MAP2K5: variants seen among roughly 807,000 people sequenced by gnomAD.
The protein encoded by MAP2K5 is dual specificity mitogen-activated protein kinase kinase 5.
A neutral mutation model predicts 83.1 loss-of-function variants in MAP2K5; 49 were observed. That is an observed-to-expected ratio of 0.59 (90% CI 0.47 to 0.75). The LOEUF (loss-of-function observed/expected upper bound fraction) is 0.75. Ranked by LOEUF, MAP2K5 falls within the 30% of genes least tolerant of loss-of-function variation. The probability of loss-of-function intolerance (pLI) is 0.00; values close to 1 mark genes in which losing one functional copy is unlikely to be tolerated. For synonymous variants in MAP2K5, 202 were observed against 191.8 expected (o/e 1.05, Z -0.44); for missense variants, 457 against 557.5 (o/e 0.82, Z 1.82).
chr15:67,649,481 T>G (rs1410626133), intron 11 of MAP2K5, among the ~76,000 whole-genome samples: 1 of 152,180 alleles, frequency 6.6e-6, no homozygotes, highest in East Asian at 1.9e-4. Flanking sequence ...TTTAAGCCTT[T>G]GATTTATTTT....
intron 17 of MAP2K5, among the ~76,000 whole-genome samples, chr15:67,742,951 T>C (rs1421907067): frequency 6.6e-6 from 1 of 152,192 alleles, no homozygotes; most frequent in Non-Finnish European, 1.5e-5. Context: ...AATGTTTTGC[T>C]GTACCTCAAT....
In MAP2K5 at chr15:67,703,331, T is replaced by C; in HGVS notation, c.973-6T>C. ...CACTCACAGGCTCCCTTCTGATTTC[T>C]TGCAGCCTGAAAGGATTTCAGGGGA... is the stretch of plus-strand genomic sequence containing the variant. On this transcript the variant is annotated splice_polypyrimidine_tract_variant and splice_region_variant and intron_variant, in intron 15 of 21. Coordinates refer to ENST00000178640, the MANE Select transcript of MAP2K5 (RefSeq NM_145160.3). 1.9e-6 allele frequency: 3 copies of C among 1,612,146 alleles called. No individual in the cohort carries two copies. The highest frequency in any genetic ancestry group is 2.2e-5 in the East Asian group (1 of 44,846).
chr15:67,649,150 C>CTT (rs2086898580), intron 11 of MAP2K5, among the ~76,000 whole-genome samples: 1 of 152,076 alleles, frequency 6.6e-6, no homozygotes, highest in East Asian at 1.9e-4. Flanking sequence ...TGATGTTGAG[C>CTT]ATCTTTTCAT....
At chr15:67,673,330 G>T (rs1388210904) in intron 13 of MAP2K5, among the ~76,000 whole-genome samples, 8 of 152,020 alleles carry the variant, frequency 5.3e-5, no homozygotes, top group Admixed American at 5.2e-4. Flanking sequence ...GAAGGTGAGA[G>T]GGTAACAGTT....
chr15:67,805,301 G>A (rs1400170383), intron 21 of MAP2K5, among the ~76,000 whole-genome samples: 2 of 152,086 alleles, frequency 1.3e-5, no homozygotes, highest in South Asian at 2.1e-4. Context: ...AGGATGAGGC[G>A]GCCTGAGCAT....
chr15:67,601,916 G>T (rs1258607716), intron 8 of MAP2K5, among the ~76,000 whole-genome samples: 1 of 152,202 alleles, frequency 6.6e-6, no homozygotes, highest in African/African-American at 2.4e-5. Context: ...AGTCCTTTAA[G>T]AACTTATGTT....
intron 8 of MAP2K5, among the ~76,000 whole-genome samples, chr15:67,608,120 A>G (rs2085821242): frequency 6.6e-6 from 1 of 152,238 alleles, no homozygotes. Flanking sequence ...ACATTACATT[A>G]GCGCACTTCT....
intron 7 of MAP2K5, 28 bp from the exon 8 acceptor site, chr15:67,600,657 T>C (rs899429759): frequency 6.3e-7 from 1 of 1,586,700 alleles, no homozygotes; most frequent in Admixed American, 1.7e-5. Flanking sequence ...CATGACACCC[T>C]TTTTGTTTTT....
chr15:67,719,360 T>G lies in MAP2K5; in HGVS notation c.1045-8556T>G, dbSNP rs1367847588. ...AACCAGGCACCTCCAGGTTGACCAG[T>G]CTCCAGGAGAGATCAGCATCAGGGG... On this transcript the variant is annotated intron_variant, in intron 16 of 21. Transcript: ENST00000178640. The surrounding 1 kb of genome is among the most constrained non-coding windows in gnomAD (Gnocchi z 4.6). 6.6e-6 allele frequency among the ~76,000 whole-genome samples: 1 copy of G among 152,100 alleles called. No individual in the cohort carries two copies. The highest frequency in any genetic ancestry group is 1.5e-5 in the Non-Finnish European group (1 of 68,012).
At position 67,757,220 on chromosome 15, in the gene MAP2K5, C is replaced by A. The variant is rs1051227783; in HGVS notation, c.1134+8619C>A. On this transcript the variant is annotated intron_variant, in intron 19 of 21. Transcript: ENST00000178640. This position sits in a 1 kb window ranked among gnomAD's most constrained non-coding sequence, Gnocchi z 4.9. ...CTCACCATCCCTAGTTACCTTTTGACTTTTTTGTAATAGCCATCCTAACAA... is the reference window on the plus strand; with the variant it reads ...CTCACCATCCCTAGTTACCTTTTGAATTTTTTGTAATAGCCATCCTAACAA... 1.3e-5 allele frequency among the ~76,000 whole-genome samples: 2 copies of A among 152,136 alleles called. No individual in the cohort carries two copies. Among genetic ancestry groups the A allele is most frequent in the Non-Finnish European group, 2.9e-5 (2 of 68,002 alleles).
intron 17 of MAP2K5, among the ~76,000 whole-genome samples, chr15:67,729,051 T>A (rs938557478): frequency 9.9e-5 from 15 of 152,202 alleles, no homozygotes; most frequent in African/African-American, 3.6e-4. Flanking sequence ...TTCAAATTCA[T>A]AGACTTTTTT....
rs1048137632 is a variant in MAP2K5, at chr15:67,786,407, G to A, written c.1242+13655G>A. 6.6e-6 allele frequency among the ~76,000 whole-genome samples: 1 copy of A among 152,172 alleles called. No homozygotes were observed. Among genetic ancestry groups the A allele is most frequent in the Non-Finnish European group, 1.5e-5 (1 of 68,036 alleles). ...GAGCATCTTGTTGGAGGGAATTATT[G>A]TAAACCAGTTAATCAACAAGTATTT... On this transcript the variant is annotated intron_variant, in intron 21 of 21. Transcript: ENST00000178640. This position sits in a 1 kb window ranked among gnomAD's most constrained non-coding sequence, Gnocchi z 4.7.
intron 13 of MAP2K5, among the ~76,000 whole-genome samples, chr15:67,674,043 T>G: frequency 6.6e-6 from 1 of 152,092 alleles, no homozygotes; most frequent in East Asian, 1.9e-4. Flanking sequence ...GAGACAGGGT[T>G]TCACCATGTT....
chr15:67,765,760 G>GAC (rs763323468), intron 19 of MAP2K5, among the ~76,000 whole-genome samples: 1 of 151,996 alleles, frequency 6.6e-6, no homozygotes, highest in African/African-American at 2.4e-5. Flanking sequence ...TGCAGGTACA[G>GAC]ACACACACAC....
rs898505399 is a variant in MAP2K5 at position 67,757,268 on chromosome 15, T to C, written c.1134+8667T>C. Among the ~76,000 whole-genome samples, 9 of 152,224 alleles carry C rather than the reference T, an allele frequency of 5.9e-5. No individual in the cohort carries two copies. Among genetic ancestry groups the C allele is most frequent in the Non-Finnish European group, 5.9e-5 (4 of 68,030 alleles). On this transcript the variant is annotated intron_variant, in intron 19 of 21. Coordinates refer to ENST00000178640, the MANE Select transcript of MAP2K5 (RefSeq NM_145160.3). The surrounding 1 kb of genome is among the most constrained non-coding windows in gnomAD (Gnocchi z 4.9). Reference sequence around the variant, plus strand: ...CAAAATGTGAGGTGACATTTCATTGTGGTTTTTATTTGCATAAAAATAGTA... The same window carrying C: ...CAAAATGTGAGGTGACATTTCATTGCGGTTTTTATTTGCATAAAAATAGTA...
chr15:67,670,140 C>T (rs1307730496), intron 13 of MAP2K5, among the ~76,000 whole-genome samples: 1 of 152,088 alleles, frequency 6.6e-6, no homozygotes, highest in Non-Finnish European at 1.5e-5. Flanking sequence ...CATGTAACAA[C>T]ATGGGTGAAT....
At chr15:67,752,411 G>T (rs2089739038) in intron 19 of MAP2K5, among the ~76,000 whole-genome samples, 2 of 152,000 alleles carry the variant, frequency 1.3e-5, no homozygotes, top group Non-Finnish European at 2.9e-5. Flanking sequence ...TGGGCACGGT[G>T]GCTCACGCCT....
chr15:67,670,126 GT>G (rs2141164294), intron 13 of MAP2K5, among the ~76,000 whole-genome samples: 1 of 152,244 alleles, frequency 6.6e-6, no homozygotes, highest in Non-Finnish European at 1.5e-5. Flanking sequence ...ACAAGCTACT[GT>G]TACATGTAAC....
At chr15:67,602,707 G>A (rs956569717) in intron 8 of MAP2K5, among the ~76,000 whole-genome samples, 1 of 152,206 alleles carries the variant, frequency 6.6e-6, no homozygotes. Context: ...TGTTGCCCAG[G>A]CTGGAGTGCA....
Sources: allele counts gnomAD v4.1 joint callset (sites outside exome capture counted in the v4.1 genomes callset), GRCh38; gene constraint gnomAD v4.1.1; non-coding constraint Gnocchi (gnomAD v3.1); transcripts MANE v1.5; gene names NCBI Gene and HGNC (gene_info 2026-07-23, HGNC 2026-07-21).